Variants in ATG4B observed in about 807,000 individuals in gnomAD.
ATG4B encodes the protein cysteine protease ATG4B.
Under a neutral mutation model 56.6 loss-of-function variants are expected in ATG4B, and 29 were observed. The ratio of observed to expected loss-of-function variants is 0.51; its 90% CI spans 0.38 to 0.70. ATG4B has a LOEUF of 0.70. Ranked by LOEUF, ATG4B falls within the 30% of genes least tolerant of loss-of-function variation. The pLI is 0.00. For missense variants in ATG4B, 461 were observed against 515.5 expected, an observed-to-expected ratio of 0.89 and a Z score of 1.02; for synonymous variants, 224 against 206.1, an observed-to-expected ratio of 1.09 and a Z score of -0.74.
chr2:241,639,508 T>C (rs1167003807), intron 1 of ATG4B, among the ~76,000 whole-genome samples: 1 of 152,224 alleles, frequency 6.6e-6, no homozygotes, highest in East Asian at 1.9e-4. Context: ...TACAGCCTTC[T>C]TTGTACTTGC....
intron 1 of ATG4B, among the ~76,000 whole-genome samples, chr2:241,641,860 G>A (rs2067899793): frequency 1.3e-5 from 2 of 152,294 alleles, no homozygotes; most frequent in Non-Finnish European, 2.9e-5. Flanking sequence ...AGACCACAGT[G>A]TGGCTGTGTT....
rs1284458891 is a variant in ATG4B, at chr2:241,671,834, G to T, written c.1109-357G>T. 5 of 1,275,466 alleles carry T rather than the reference G, an allele frequency of 3.9e-6. No homozygotes were observed. In the East Asian group the frequency reaches 1.1e-4, roughly 29 times the overall value. The allele number at this position is 1,275,466 out of a possible 1,614,324, so 79.0% of individuals were successfully genotyped here. A position where few individuals can be genotyped will look rare whatever the true frequency, so the allele number is the denominator to read the frequency against. On this transcript the variant is annotated intron_variant, in intron 12 of 12. Coordinates refer to ENST00000404914, the MANE Select transcript of ATG4B (RefSeq NM_013325.5). ...CTGGGCTCGTGCAGTGAAGTGAGTG[G>T]CCGTGAGCGCGTCCTCCTCATCTCT...
Position 241,672,229 on chromosome 2 carries a change from T to A in ATG4B, c.1147T>A (p.Ser383Thr). 6.3e-7 allele frequency: 1 copy of A among 1,586,198 alleles called. No individual in the cohort carries two copies. The highest frequency in any genetic ancestry group is 8.6e-7 in the Non-Finnish European group (1 of 1,165,796). ...AGAGCGACTGGAAAGATTCTTCGAC[T>A]CAGAAGATGAAGACTTTGAAATCCT... is the stretch of plus-strand genomic sequence containing the variant. ...DVERLERFFD[S>T]EDEDFEILSL Residue 383 changes from serine to threonine, a missense_variant, in exon 13 of 13, where the codon TCA becomes ACA. Coordinates refer to ENST00000404914, the MANE Select transcript of ATG4B (RefSeq NM_013325.5).
At position 241,668,367 on chromosome 2, in the gene ATG4B, C is replaced by A; in HGVS notation, c.811+146C>A. On this transcript the variant is annotated intron_variant, in intron 9 of 12. Coordinates refer to ENST00000404914, the MANE Select transcript of ATG4B (RefSeq NM_013325.5). The surrounding 1 kb of genome is among the most constrained non-coding windows in gnomAD (Gnocchi z 4.2). ...GGTTCATTTTCAGCCTGGTCGCGGG[C>A]GGCCTCCTGTGTGCCCCTTTCCCTG... is the stretch of plus-strand genomic sequence containing the variant. 1 of 1,352,504 alleles carries A rather than the reference C, an allele frequency of 7.4e-7. No homozygotes were observed. The highest frequency in any genetic ancestry group is 1.0e-6 in the Non-Finnish European group (1 of 973,742). The allele number at this position is 1,352,504 out of a possible 1,614,324, so 83.8% of individuals were successfully genotyped here.
chr2:241,665,508 T>C (rs888612218), intron 7 of ATG4B, among the ~76,000 whole-genome samples: 1 of 152,224 alleles, frequency 6.6e-6, no homozygotes, highest in East Asian at 1.9e-4. Flanking sequence ...TGCTGCTTTG[T>C]GGCATTTTTG....
chr2:241,656,449 C>G (rs1421133201), intron 6 of ATG4B, among the ~76,000 whole-genome samples: 1 of 152,206 alleles, frequency 6.6e-6, no homozygotes, highest in Non-Finnish European at 1.5e-5. Flanking sequence ...CCCCACCACA[C>G]CCTTCCACTC....
chr2:241,637,990 C>T (rs1293526882), intron 1 of ATG4B, among the ~76,000 whole-genome samples: 1 of 151,640 alleles, frequency 6.6e-6, no homozygotes, highest in Non-Finnish European at 1.5e-5. Context: ...GTCCGGAGCG[C>T]TCCGGAGGTT....
intron 1 of ATG4B, among the ~76,000 whole-genome samples, chr2:241,644,448 C>T (rs2068002554): frequency 6.6e-6 from 1 of 152,220 alleles, no homozygotes. Context: ...GTTCTCACCC[C>T]ACTTGGAAAA....
rs1333357069 is a variant in ATG4B at position 241,641,648 on chromosome 2, T to G, written c.10+3924T>G. Among the ~76,000 whole-genome samples, 5 of 151,988 alleles carry G rather than the reference T, an allele frequency of 3.3e-5. No individual in the cohort carries two copies. The East Asian group carries it at 9.7e-4, about 29-fold the overall frequency. On this transcript the variant is annotated intron_variant, in intron 1 of 12. Transcript: ENST00000404914. The stretch of plus-strand genomic sequence containing the variant: ...CGAGTTTGGATTTATGTGTGTTGAA[T>G]GTGAGGTGGATGTTAGACATCCTTG...
At chr2:241,660,383 A>T (rs1310113866) in intron 7 of ATG4B, among the ~76,000 whole-genome samples, 1 of 152,154 alleles carries the variant, frequency 6.6e-6, no homozygotes, top group African/African-American at 2.4e-5. Flanking sequence ...GGGCATTGTG[A>T]CACAGCGGAG....
chr2:241,668,682 T>A lies in ATG4B; in HGVS notation c.954T>A (p.Ala318=). Residue 318 remains alanine (A), a synonymous_variant, in exon 10 of 13, where the codon GCT becomes GCA. Coordinates refer to ENST00000404914, the MANE Select transcript of ATG4B (RefSeq NM_013325.5). The surrounding 1 kb of genome is among the most constrained non-coding windows in gnomAD (Gnocchi z 4.2). ...MSIAELDPSI[A]VGFFCKTEDD... is the part of the protein sequence containing the mutation. ...TCGCGGAGCTTGACCCGTCCATCGC[T>A]GTGGTACGTGGCGGCCACCTGAGCA... The A allele has an allele frequency of 1.3e-6, 2 of 1,570,526 alleles. No individual in the cohort carries two copies. The highest frequency in any genetic ancestry group is 1.7e-6 in the Non-Finnish European group (2 of 1,159,416).
chr2:241,663,466 TC>T (rs2068653508), intron 7 of ATG4B, among the ~76,000 whole-genome samples: 1 of 152,020 alleles, frequency 6.6e-6, no homozygotes, highest in African/African-American at 2.4e-5. Context: ...ATGTGAAACC[TC>T]AAAAAAGTCA....
At chr2:241,669,179 T>C (rs2068879408) in intron 10 of ATG4B, among the ~76,000 whole-genome samples, 3 of 152,338 alleles carry the variant, frequency 2.0e-5, no homozygotes, top group Admixed American at 2.0e-4. Flanking sequence ...TTCCCTGTTT[T>C]TCCATTTTGA....
intron 1 of ATG4B, among the ~76,000 whole-genome samples, chr2:241,650,535 T>C (rs926756108): frequency 6.6e-6 from 1 of 152,150 alleles, no homozygotes; most frequent in Non-Finnish European, 1.5e-5. Flanking sequence ...AACGACTCTT[T>C]GCCCTGTTTC....
intron 7 of ATG4B, among the ~76,000 whole-genome samples, chr2:241,662,086 C>T (rs1246821530): frequency 3.3e-5 from 5 of 152,120 alleles, no homozygotes; most frequent in African/African-American, 9.7e-5. Flanking sequence ...TAGAACTTTT[C>T]GGGAGAGTTG....
At chr2:241,666,907 C>G (rs1243198130) in intron 8 of ATG4B, 69 bp downstream of exon 8, 2 of 1,493,632 alleles carry the variant, frequency 1.3e-6, no homozygotes, top group Non-Finnish European at 1.8e-6. Context: ...TCACTTTCAG[C>G]GCATCGTCGT....
Position 241,671,425 on chromosome 2 carries a change from G to T in ATG4B, c.1108+20G>T, listed in dbSNP as rs1339435119. 1 of 1,612,740 alleles carries T rather than the reference G, an allele frequency of 6.2e-7. No homozygotes were observed. Among genetic ancestry groups the T allele is most frequent in the East Asian group, 2.2e-5 (1 of 44,834 alleles). On this transcript the variant is annotated intron_variant, in intron 12 of 12. Transcript: ENST00000404914. ...CCCTAGGTGAGAGCTGCCAAGTCCA[G>T]GTGGGGTCCCTCGGAGGTACGATCT...
Position 241,666,728 on chromosome 2 carries a change from G to A in ATG4B, c.622G>A (p.Ala208Thr). 6.2e-7 allele frequency: 1 copy of A among 1,611,822 alleles called. No homozygotes were observed. Among genetic ancestry groups the A allele is most frequent in the Non-Finnish European group, 8.5e-7 (1 of 1,179,018 alleles). The change falls in exon 8 of 13, where the codon GCC becomes ACC. Residue 208 changes from alanine to threonine, a missense_variant. Ala to Thr is a moderately conservative substitution (Grantham distance 58, BLOSUM62 0). Transcript: ENST00000404914. Reference sequence around the variant, plus strand: ...CGACCGGCACTGCAACGGATTCCCTGCCGGAGCTGAGGTCACCAACAGGCC... The same window carrying A: ...CGACCGGCACTGCAACGGATTCCCTACCGGAGCTGAGGTCACCAACAGGCC... ...DSDRHCNGFP[A>T]GAEVTNRPSP...
chr2:241,662,322 T>G (rs1487097344), intron 7 of ATG4B, among the ~76,000 whole-genome samples: 1 of 152,236 alleles, frequency 6.6e-6, no homozygotes, highest in East Asian at 1.9e-4. Flanking sequence ...ATCTCATCTT[T>G]GTGCCATACC....
Sources: allele counts gnomAD v4.1 joint callset (sites outside exome capture counted in the v4.1 genomes callset), GRCh38; gene constraint gnomAD v4.1.1; non-coding constraint Gnocchi (gnomAD v3.1); transcripts MANE v1.5; gene names NCBI Gene and HGNC (gene_info 2026-07-23, HGNC 2026-07-21).